RRP1B: variants seen among roughly 807,000 people sequenced by gnomAD.
The protein encoded by RRP1B is ribosomal RNA processing protein 1 homolog B.
Under a neutral mutation model 80.2 loss-of-function variants are expected in RRP1B, and 56 were observed. That is an observed-to-expected ratio of 0.70 (90% CI 0.56 to 0.87). RRP1B has a LOEUF of 0.87. RRP1B is among the 40% of genes least tolerant of loss of function. RRP1B has a pLI of 0.00. For synonymous variants in RRP1B, 351 were observed against 357.6 expected (o/e 0.98, Z 0.21); for missense variants, 807 against 939.8 (o/e 0.86, Z 1.85).
At chr21:43,668,350 C>CT (rs2082986662) in intron 1 of RRP1B, among the ~76,000 whole-genome samples, 1 of 150,442 alleles carries the variant, frequency 6.6e-6, no homozygotes, top group Non-Finnish European at 1.5e-5. Flanking sequence ...ATTAAAAGGT[C>CT]TTTTTGTCAC....
In RRP1B at chr21:43,679,175, A is replaced by C. The variant is rs537463911; in HGVS notation, c.796+2261A>C. ...ACTATGGCTTTATAGTATAGTTTGA[A>C]ATCGAGTGTTCTGATGTCTCCGGGT... On this transcript the variant is annotated intron_variant, in intron 8 of 15. Coordinates refer to ENST00000340648, the MANE Select transcript of RRP1B (RefSeq NM_015056.3). 2.0e-5 allele frequency among the ~76,000 whole-genome samples: 3 copies of C among 151,478 alleles called. No homozygotes were observed. In the East Asian group the frequency reaches 5.8e-4, roughly 29 times the overall value.
chr21:43,681,261 CAGATAGATAGATAGATAGATAGAT>C (rs372143608), intron 8 of RRP1B, among the ~76,000 whole-genome samples: 10 of 149,756 alleles, frequency 6.7e-5, no homozygotes, highest in African/African-American at 2.5e-4. Flanking sequence ...AATAAATAAA[CAGATAGATAGATAGATAGATAGAT>C]AGATAGATAG....
Position 43,659,671 on chromosome 21 carries a change from C to T in RRP1B, c.7C>T (p.Pro3Ser). The change falls in exon 1 of 16, where the codon CCC becomes TCC. Residue 3 changes from proline (P) to serine (S), a missense_variant. Pro to Ser is a moderately conservative substitution (Grantham distance 74). Coordinates refer to ENST00000340648, the MANE Select transcript of RRP1B (RefSeq NM_015056.3). The surrounding 1 kb of genome is among the most constrained non-coding windows in gnomAD (Gnocchi z 4.2). ...GGATGCTCCAGCGGGCGCGATGGCC[C>T]CCGCCATGCAGCCGGCCGAGATCCA... MA[P>S]AMQPAEIQFA... is the part of the protein sequence containing the mutation. 1 of 1,510,748 alleles carries T rather than the reference C, an allele frequency of 6.6e-7. No homozygotes were observed. Among genetic ancestry groups the T allele is most frequent in the East Asian group, 2.8e-5 (1 of 36,356 alleles). The allele number at this position is 1,510,748 out of a possible 1,614,324, so 93.6% of individuals were successfully genotyped here.
At chr21:43,673,057 A>G (rs992914903) in intron 3 of RRP1B, among the ~76,000 whole-genome samples, 1 of 152,260 alleles carries the variant, frequency 6.6e-6, no homozygotes, top group Non-Finnish European at 1.5e-5. Flanking sequence ...GTGGGTCAGA[A>G]GAGAAAAATT....
At chr21:43,679,480 C>T (rs1296202856) in intron 8 of RRP1B, among the ~76,000 whole-genome samples, 1 of 152,130 alleles carries the variant, frequency 6.6e-6, no homozygotes, top group Non-Finnish European at 1.5e-5. Flanking sequence ...ACCATGTTGG[C>T]CAGGCTGATC....
At position 43,694,704 on chromosome 21, in the gene RRP1B, C is replaced by T. The variant is rs76270866; in HGVS notation, c.*1321C>T. The T allele has an allele frequency of 0.043, 6,538 of 152,408 alleles. 242 individuals are homozygous for T. Among genetic ancestry groups the T allele is most frequent in the East Asian group, 0.09 (468 of 5,180 alleles). 9.4% of individuals were successfully genotyped at this position (152,408 alleles called of 1,614,324 possible). A position where few individuals can be genotyped will look rare whatever the true frequency, so the allele number is the denominator to read the frequency against. ...CGTTATGCCCCCCATACAGGAGCCT[C>T]GGTTTTTCAGCAAAACGCGGCCAGT... On this transcript the variant is annotated 3_prime_UTR_variant, in exon 16 of 16. Coordinates refer to ENST00000340648, the MANE Select transcript of RRP1B (RefSeq NM_015056.3).
At chr21:43,666,538 G>A (rs1005734683) in intron 1 of RRP1B, among the ~76,000 whole-genome samples, 5 of 152,128 alleles carry the variant, frequency 3.3e-5, no homozygotes, top group South Asian at 2.1e-4. Context: ...CCAACATGGC[G>A]AAACCCCGTC....
rs1263831461 is a variant in RRP1B, at chr21:43,688,235, G to C, written c.1861G>C (p.Ala621Pro). The change falls in exon 13 of 16, where the codon GCT (alanine) becomes CCT (proline). Residue 621 changes from alanine to proline, a missense_variant. By Grantham distance (27) the Ala-to-Pro change is conservative. Transcript: ENST00000340648. ...VLESEAGQPQ[A>P]LGSSGTCSSL... is the part of the protein sequence containing the mutation. ...GGAGTCCGAAGCTGGGCAACCCCAG[G>C]CTCTGGTAAGGTGGGAGCACCCACA... is the stretch of plus-strand genomic sequence containing the variant. 1 of 1,545,790 alleles carries C rather than the reference G, an allele frequency of 6.5e-7. No individual in the cohort carries two copies. The highest frequency in any genetic ancestry group is 8.7e-7 in the Non-Finnish European group (1 of 1,143,410).
At chr21:43,684,108 G>T in intron 9 of RRP1B, among the ~76,000 whole-genome samples, 2 of 136,772 alleles carry the variant, frequency 1.5e-5, no homozygotes, top group Admixed American at 7.6e-5. Context: ...GTCGCACTCT[G>T]TCTCCCAGGC....
intron 9 of RRP1B, among the ~76,000 whole-genome samples, chr21:43,683,986 AAAAAGCACACC>A (rs1292745075): frequency 2.0e-5 from 3 of 151,028 alleles, no homozygotes; most frequent in Non-Finnish European, 4.4e-5. Context: ...AAAAAAAAAA[AAAAAGCACACC>A]CAGGTAAATT....
chr21:43,685,345 G>T (rs112695458), intron 10 of RRP1B, among the ~76,000 whole-genome samples: 112 of 152,262 alleles, frequency 7.4e-4, no homozygotes, highest in African/African-American at 2.5e-3. Context: ...ACTGCGCTTC[G>T]ATGCGTCTTG....
At chr21:43,681,314 C>CT (rs143431997) in intron 8 of RRP1B, among the ~76,000 whole-genome samples, 16 of 149,860 alleles carry the variant, frequency 1.1e-4, no homozygotes, top group African/African-American at 3.4e-4. Flanking sequence ...AATCAAGAAC[C>CT]TTTTTTTTCT....
intron 8 of RRP1B, among the ~76,000 whole-genome samples, chr21:43,679,304 T>C (rs2083034532): frequency 6.6e-6 from 1 of 151,944 alleles, no homozygotes; most frequent in African/African-American, 2.4e-5. Flanking sequence ...AGTCTTGCTC[T>C]GTCGCCCAGG....
At chr21:43,690,092 G>A (rs1160891050) in intron 13 of RRP1B, among the ~76,000 whole-genome samples, 196 bp from the exon 14 acceptor site, 3 of 152,276 alleles carry the variant, frequency 2.0e-5, no homozygotes, top group South Asian at 2.1e-4. Context: ...ATGGTGCCAT[G>A]ATAGCGGTCG....
At position 43,670,051 on chromosome 21, in the gene RRP1B, C is replaced by T. The variant is rs751645571; in HGVS notation, c.213+85C>T. ...GATCACTCATGCTGTGCCAGTCCCC[C>T]GATACACTGACGCACACTGACAGTC... is the stretch of plus-strand genomic sequence containing the variant. On this transcript the variant is annotated intron_variant, in intron 2 of 15. Coordinates refer to ENST00000340648, the MANE Select transcript of RRP1B (RefSeq NM_015056.3). The T allele has an allele frequency of 1.4e-5, 13 of 918,432 alleles. No homozygotes were observed. The South Asian group carries it at 1.8e-4, about 13-fold the overall frequency. 56.9% of individuals were successfully genotyped at this position (918,432 alleles called of 1,614,324 possible). A position where few individuals can be genotyped will look rare whatever the true frequency, so the allele number is the denominator to read the frequency against.
intron 3 of RRP1B, among the ~76,000 whole-genome samples, chr21:43,673,241 G>A (rs147661294): frequency 0.011 from 1,649 of 152,270 alleles, 31 homozygotes; most frequent in African/African-American, 0.036. Flanking sequence ...TAAAAGAAAC[G>A]TGGCTTTGCA....
At position 43,659,817 on chromosome 21, in the gene RRP1B, C is replaced by G; in HGVS notation, c.130+23C>G. ...CAGGTGGGCGCACGGCCGCGGTCAG[C>G]CGCGCCACATGGCGGGCCGGGGGCC... On this transcript the variant is annotated intron_variant, in intron 1 of 15. Transcript: ENST00000340648. The surrounding 1 kb of genome is among the most constrained non-coding windows in gnomAD (Gnocchi z 4.2). 1 of 1,493,008 alleles carries G rather than the reference C, an allele frequency of 6.7e-7. No individual in the cohort carries two copies. The highest frequency in any genetic ancestry group is 9.0e-7 in the Non-Finnish European group (1 of 1,116,046). 92.5% of individuals were successfully genotyped at this position (1,493,008 alleles called of 1,614,324 possible).
Position 43,686,832 on chromosome 21 carries a change from G to A in RRP1B, c.1038G>A (p.Ala346=), listed in dbSNP as rs755961258. 12 of 1,613,908 alleles carry A rather than the reference G, an allele frequency of 7.4e-6. No individual in the cohort carries two copies. The highest frequency in any genetic ancestry group is 2.7e-5 in the African/African-American group (2 of 74,868). Residue 346 remains alanine, a synonymous_variant, in exon 12 of 16, where the codon GCG becomes GCA. Transcript: ENST00000340648. ...GCAGTATATCTCAACTCAGTTTTGC[G>A]GAGGACATTTCTGCTGATGAAGATG... The part of the protein sequence containing the change: ...EGSSISQLSF[A]EDISADEDDQ...
Position 43,688,102 on chromosome 21 carries a change from G to A in RRP1B, c.1728G>A (p.Gly576=). 6.2e-7 allele frequency: 1 copy of A among 1,604,818 alleles called. No homozygotes were observed. Among genetic ancestry groups the A allele is most frequent in the East Asian group, 2.2e-5 (1 of 44,480 alleles). The change falls in exon 13 of 16, where the codon GGG becomes GGA. Residue 576 remains glycine (G), a synonymous_variant. Coordinates refer to ENST00000340648, the MANE Select transcript of RRP1B (RefSeq NM_015056.3). ...QRRRLQKKKA[G]PGSLELCGLP... is the part of the protein sequence containing the mutation. ...GGAGGCTGCAGAAAAAGAAGGCAGG[G>A]CCCGGCAGCCTGGAGCTCTGTGGCC...
Sources: gnomAD v4.1 joint callset for allele counts (sites outside exome capture counted in the v4.1 genomes callset) on GRCh38, gnomAD v4.1.1 for gene constraint, Gnocchi (gnomAD v3.1) non-coding constraint, MANE v1.5 for transcripts, NCBI Gene and HGNC (gene_info 2026-07-23, HGNC 2026-07-21) for gene names.